Variants in CORO2B observed in about 807,000 individuals in gnomAD.
CORO2B encodes the protein coronin 2B, also known as coronin-2B.
CORO2B carries 26 observed loss-of-function variants against 58.8 expected under a neutral mutation model. The ratio of observed to expected loss-of-function variants is 0.44; its 90% CI spans 0.32 to 0.61. CORO2B has a LOEUF of 0.61. Ranked by LOEUF, CORO2B falls within the 20% of genes least tolerant of loss-of-function variation. The pLI, the probability that CORO2B is intolerant of heterozygous loss-of-function variation, is 0.04. For missense variants in CORO2B, 460 were observed against 645.1 expected (o/e 0.71, Z 3.11); for synonymous variants, 242 against 253.8 (o/e 0.95, Z 0.44).
chr15:68,718,740 T>C lies in CORO2B; in HGVS notation c.1010T>C (p.Val337Ala). 6.2e-7 allele frequency: 1 copy of C among 1,614,080 alleles called. No individual in the cohort carries two copies. Among genetic ancestry groups the C allele is most frequent in the Non-Finnish European group, 8.5e-7 (1 of 1,180,010 alleles). The stretch of plus-strand genomic sequence containing the variant: ...GGGCTGGATGTGTCAGCCTGCGAGG[T>C]GTTCCGCTTCTACAAGCTGGTGACT... ...KHGLDVSACEVFRFYKLVTLK... is the reference protein window; with the variant it reads ...KHGLDVSACEAFRFYKLVTLK... The change falls in exon 9 of 12, where the codon GTG becomes GCG. Residue 337 changes from valine (V) to alanine (A), a missense_variant. By Grantham distance (64) the Val-to-Ala change is moderately conservative (BLOSUM62 0). Transcript: ENST00000261861.
the CORO2B span, among the ~76,000 whole-genome samples, chr15:68,545,896 G>A: frequency 6.6e-6 from 1 of 152,188 alleles, no homozygotes; most frequent in African/African-American, 2.4e-5. Context: ...CAGGGCCCAG[G>A]AAGACTGTCA....
intron 1 of CORO2B, among the ~76,000 whole-genome samples, chr15:68,613,001 C>T (rs1373270335): frequency 6.6e-6 from 1 of 152,128 alleles, no homozygotes; most frequent in Admixed American, 6.5e-5. Flanking sequence ...ATCAGTACAG[C>T]CAGGTTCAGG....
chr15:68,564,531 C>G, the CORO2B span, among the ~76,000 whole-genome samples: 2 of 152,088 alleles, frequency 1.3e-5, no homozygotes, highest in African/African-American at 4.8e-5. Flanking sequence ...AGGCTGGTCT[C>G]AAACTCCTAG....
chr15:68,701,838 C>A (rs1219638963), intron 3 of CORO2B, among the ~76,000 whole-genome samples: 1 of 152,082 alleles, frequency 6.6e-6, no homozygotes, highest in African/African-American at 2.4e-5. Context: ...AAATAGGAAT[C>A]ATCTCGGGCT....
chr15:68,637,876 A>C (rs1177195349), intron 1 of CORO2B, among the ~76,000 whole-genome samples: 2 of 152,174 alleles, frequency 1.3e-5, no homozygotes, highest in Non-Finnish European at 2.9e-5. Context: ...TTCCACTTAA[A>C]AGCTAAATTT....
the CORO2B span, among the ~76,000 whole-genome samples, chr15:68,531,545 A>AAAG: frequency 1.5e-5 from 2 of 133,784 alleles, no homozygotes; most frequent in Non-Finnish European, 3.2e-5. Context: ...GGAAGGAAGG[A>AAAG]AGGAAGGAAG....
chr15:68,551,111 C>T, the CORO2B span, among the ~76,000 whole-genome samples: 1 of 152,148 alleles, frequency 6.6e-6, no homozygotes, highest in Admixed American at 6.5e-5. Context: ...CTGGGTGACC[C>T]TGAATGGAGG....
chr15:68,668,479 A>G (rs768615249), intron 2 of CORO2B, among the ~76,000 whole-genome samples: 6 of 152,198 alleles, frequency 3.9e-5, no homozygotes, highest in Non-Finnish European at 8.8e-5. Flanking sequence ...CTTGTGATGG[A>G]TATGTTAGGT....
At chr15:68,559,595 C>G in the CORO2B span, 1 of 985,334 alleles carries the variant, frequency 1.0e-6, no homozygotes, top group Non-Finnish European at 1.2e-6. The surrounding 1 kb of genome is among the most constrained non-coding windows in gnomAD (Gnocchi z 4.3). Flanking sequence ...GGGGAGCAGA[C>G]GGAACAAGCG....
intron 1 of CORO2B, among the ~76,000 whole-genome samples, chr15:68,585,377 A>G (rs545936464): frequency 1.3e-5 from 2 of 152,342 alleles, no homozygotes; most frequent in African/African-American, 4.8e-5. Context: ...CATCATCATG[A>G]TAATAACAGT....
chr15:68,669,061 AAGAGAGAAAGAG>A (rs1438722664), intron 2 of CORO2B, among the ~76,000 whole-genome samples: 1 of 146,874 alleles, frequency 6.8e-6, no homozygotes, highest in African/African-American at 2.7e-5. Context: ...ATCAGAAAGA[AAGAGAGAAAGAG>A]AGAGAGAGAG....
chr15:68,534,628 G>T, the CORO2B span, among the ~76,000 whole-genome samples: 2 of 152,144 alleles, frequency 1.3e-5, no homozygotes, highest in African/African-American at 2.4e-5. Context: ...ACGCTGAAGG[G>T]TACAGCTGCT....
chr15:68,666,867 G>C (rs1025647145), intron 2 of CORO2B, among the ~76,000 whole-genome samples: 1 of 152,218 alleles, frequency 6.6e-6, no homozygotes, highest in Non-Finnish European at 1.5e-5. Context: ...GGTTCAGCGA[G>C]ATCAGCGTGT....
intron 2 of CORO2B, among the ~76,000 whole-genome samples, chr15:68,674,410 G>A (rs911238034): frequency 2.0e-5 from 3 of 152,220 alleles, no homozygotes; most frequent in African/African-American, 7.2e-5. Flanking sequence ...GCCAGCGAAT[G>A]CCCCAGGTGA....
chr15:68,654,954 G>A (rs910024392), intron 2 of CORO2B, among the ~76,000 whole-genome samples: 3 of 152,200 alleles, frequency 2.0e-5, no homozygotes, highest in Non-Finnish European at 4.4e-5. Context: ...CAAGTCATTT[G>A]TGCCTAAAGG....
the CORO2B span, among the ~76,000 whole-genome samples, chr15:68,558,525 T>C: frequency 2.1e-4 from 32 of 152,094 alleles, no homozygotes; most frequent in Non-Finnish European, 4.0e-4. Context: ...CAGGCATGCG[T>C]CACCATTCCC....
At chr15:68,531,984 C>A in the CORO2B span, among the ~76,000 whole-genome samples, 3 of 151,722 alleles carry the variant, frequency 2.0e-5, no homozygotes, top group Non-Finnish European at 4.4e-5. Context: ...TTAAAAATGT[C>A]TTTCATTGTA....
chr15:68,590,214 A>G (rs557978542), intron 1 of CORO2B, among the ~76,000 whole-genome samples: 133 of 152,236 alleles, frequency 8.7e-4, no homozygotes, highest in African/African-American at 2.5e-3. Flanking sequence ...CTCAGGAGCC[A>G]CAAACAAAGC....
the CORO2B span, among the ~76,000 whole-genome samples, chr15:68,553,748 C>T: frequency 1.3e-5 from 2 of 152,164 alleles, no homozygotes; most frequent in Non-Finnish European, 2.9e-5. Context: ...CAGGACTGCC[C>T]CTGGTGCGTT....
Sources: allele counts gnomAD v4.1 joint callset (sites outside exome capture counted in the v4.1 genomes callset), GRCh38; gene constraint gnomAD v4.1.1; non-coding constraint Gnocchi (gnomAD v3.1); transcripts MANE v1.5; gene names NCBI Gene and HGNC (gene_info 2026-07-23, HGNC 2026-07-21).